Variants in MELK observed in about 807,000 individuals in gnomAD.
The protein encoded by MELK is pEg3 kinase.
MELK carries 81 observed loss-of-function variants against 85.0 expected under a neutral mutation model. That is an observed-to-expected ratio of 0.95 (90% CI 0.80 to 1.15). MELK has a LOEUF of 1.15. Among genes scored for constraint, MELK ranks in the 50% most tolerant of loss-of-function variants. MELK has a pLI of 0.00. For synonymous variants in MELK, 252 were observed against 265.0 expected (o/e 0.95, Z 0.48); for missense variants, 754 against 777.5 (o/e 0.97, Z 0.36).
At chr9:36,593,985 T>C (rs2135433027) in intron 4 of MELK, among the ~76,000 whole-genome samples, 1 of 152,334 alleles carries the variant, frequency 6.6e-6, no homozygotes, top group Non-Finnish European at 1.5e-5. Flanking sequence ...GTACTGTTTT[T>C]TGATATGAGT....
intron 10 of MELK, among the ~76,000 whole-genome samples, chr9:36,636,750 T>TTC (rs1829195094): frequency 2.0e-5 from 2 of 99,388 alleles, no homozygotes; most frequent in African/African-American, 8.7e-5. Context: ...CTTTCTTTCT[T>TTC]TCTTTCTTTC....
At chr9:36,619,359 C>G (rs1263629018) in intron 8 of MELK, among the ~76,000 whole-genome samples, 1 of 152,110 alleles carries the variant, frequency 6.6e-6, no homozygotes, top group Non-Finnish European at 1.5e-5. Context: ...CTGGAAATTA[C>G]TTGAAGTTAT....
At chr9:36,673,468 G>A (rs1425227315) in intron 16 of MELK, among the ~76,000 whole-genome samples, 1 of 152,084 alleles carries the variant, frequency 6.6e-6, no homozygotes, top group Non-Finnish European at 1.5e-5. Context: ...TTGCTCTGCT[G>A]CCCAGGCTGT....
intron 12 of MELK, among the ~76,000 whole-genome samples, chr9:36,653,648 A>G (rs1201691325): frequency 6.6e-6 from 1 of 152,178 alleles, no homozygotes; most frequent in Non-Finnish European, 1.5e-5. Context: ...CAATGTAAAT[A>G]ATCTTAGCAC....
Position 36,677,435 on chromosome 9 carries a change from C to T in MELK, c.*98C>T. 8.7e-7 allele frequency: 1 copy of T among 1,144,162 alleles called. No homozygotes were observed. Among genetic ancestry groups the T allele is most frequent in the Non-Finnish European group, 1.2e-6 (1 of 846,850 alleles). The allele number at this position is 1,144,162 out of a possible 1,614,324, so 70.9% of individuals were successfully genotyped here. ...TTGATTTTAAAGTTCATTGGAACTA[C>T]CAACTTGTTTCTAAAGAGCTATCTT... On this transcript the variant is annotated 3_prime_UTR_variant, in exon 18 of 18. Transcript: ENST00000298048.
At chr9:36,621,668 A>T (rs2136239011) in intron 8 of MELK, among the ~76,000 whole-genome samples, 1 of 152,276 alleles carries the variant, frequency 6.6e-6, no homozygotes, top group South Asian at 2.1e-4. Flanking sequence ...ATTCATGGTG[A>T]TCCTAATTTA....
At chr9:36,672,232 C>T (rs182065416) in intron 16 of MELK, among the ~76,000 whole-genome samples, 15 of 152,154 alleles carry the variant, frequency 9.9e-5, no homozygotes, top group Non-Finnish European at 1.5e-4. Context: ...TGTGCTGAGA[C>T]GTTACATATG....
At chr9:36,662,731 TCTTG>T (rs113423394) in intron 13 of MELK, among the ~76,000 whole-genome samples, 6 of 152,358 alleles carry the variant, frequency 3.9e-5, no homozygotes, top group African/African-American at 1.4e-4. Context: ...TCCACTTTCT[TCTTG>T]CTTCTATTGT....
Position 36,589,568 on chromosome 9 carries a change from G to C in MELK, c.177G>C (p.Glu59Asp). The change falls in exon 4 of 18, where the codon GAG (glutamate) becomes GAC (aspartate). Residue 59 changes from glutamate (E) to aspartate (D), a missense_variant. By Grantham distance (45) the Glu-to-Asp change is conservative (BLOSUM62 2). Transcript: ENST00000298048. ...SDLPRIKTEI[E>D]ALKNLRHQHI... ...TGCCCCGGATCAAAACGGAGATTGA[G>C]GCCTTGAAGAACCTGAGACATCAGC... 6.2e-7 allele frequency: 1 copy of C among 1,614,074 alleles called. No homozygotes were observed. Among genetic ancestry groups the C allele is most frequent in the South Asian group, 1.1e-5 (1 of 91,072 alleles).
chr9:36,576,151 C>T (rs763090383), intron 1 of MELK, among the ~76,000 whole-genome samples: 5 of 152,166 alleles, frequency 3.3e-5, no homozygotes, highest in Non-Finnish European at 7.3e-5. Context: ...AATTTGTCCT[C>T]TGTGATATCT....
At chr9:36,654,326 A>G (rs1831006334) in intron 12 of MELK, among the ~76,000 whole-genome samples, 1 of 128,684 alleles carries the variant, frequency 7.8e-6, no homozygotes. Context: ...GGCCTGAGAC[A>G]TTTTCCTGAG....
chr9:36,652,816 G>C (rs968078689), intron 12 of MELK, among the ~76,000 whole-genome samples: 1 of 151,918 alleles, frequency 6.6e-6, no homozygotes, highest in South Asian at 2.1e-4. Flanking sequence ...ACTACCTGTG[G>C]AGGATGTAGT....
At chr9:36,619,896 T>C (rs1393255455) in intron 8 of MELK, among the ~76,000 whole-genome samples, 1 of 152,234 alleles carries the variant, frequency 6.6e-6, no homozygotes. Context: ...TTGTGGCTAT[T>C]GCACATGGTT....
Position 36,605,970 on chromosome 9 carries a change from A to C in MELK, c.568-1605A>C, listed in dbSNP as rs561790724. ...CCTGTCTCTAAAAAAAAAAAAAAAA[A>C]ATTTCCTAAGGCTCAAATGAGAGTA... On this transcript the variant is annotated intron_variant, in intron 7 of 17. Transcript: ENST00000298048. Among the ~76,000 whole-genome samples, 244 of 151,780 alleles carry C rather than the reference A, an allele frequency of 1.6e-3. 2 individuals carry two copies. The highest frequency in any genetic ancestry group is 0.013 in the Admixed American group (198 of 15,172).
intron 13 of MELK, among the ~76,000 whole-genome samples, chr9:36,659,042 T>C (rs886915170): frequency 1.1e-4 from 16 of 152,228 alleles, no homozygotes; most frequent in African/African-American, 3.4e-4. Flanking sequence ...CCACCACGCC[T>C]GGCTAATTTT....
intron 6 of MELK, 48 bp from the exon 7 acceptor site, chr9:36,599,346 T>C: frequency 1.7e-6 from 2 of 1,196,714 alleles, no homozygotes; most frequent in Non-Finnish European, 2.4e-6. Context: ...AAGGTTTAAT[T>C]CTCTTAAGCG....
chr9:36,661,339 GA>G (rs1270227882), intron 13 of MELK, among the ~76,000 whole-genome samples: 1 of 152,196 alleles, frequency 6.6e-6, no homozygotes, highest in African/African-American at 2.4e-5. Context: ...TTTGTTTATG[GA>G]TAGGGAGATT....
chr9:36,597,357 G>A, intron 6 of MELK, 67 bp downstream of exon 6: 1 of 1,396,136 alleles, frequency 7.2e-7, no homozygotes, highest in South Asian at 1.2e-5. Flanking sequence ...GTGTGATTTT[G>A]TCCTGACTTC....
intron 8 of MELK, among the ~76,000 whole-genome samples, chr9:36,617,885 G>A (rs1045025969): frequency 1.3e-5 from 2 of 152,130 alleles, no homozygotes; most frequent in Non-Finnish European, 2.9e-5. Flanking sequence ...CAGCACTTTG[G>A]GGGGCTGAGT....
Sources: allele counts gnomAD v4.1 joint callset (sites outside exome capture counted in the v4.1 genomes callset), GRCh38; gene constraint gnomAD v4.1.1; transcripts MANE v1.5; gene names NCBI Gene and HGNC (gene_info 2026-07-23, HGNC 2026-07-21).